Variants in SLC5A11 observed in about 807,000 individuals in gnomAD.
The protein encoded by SLC5A11 is solute carrier family 5 member 11, also known as sodium/myo-inositol cotransporter 2.
Under a neutral mutation model 69.8 loss-of-function variants are expected in SLC5A11, and 48 were observed. That is an observed-to-expected ratio of 0.69 (90% confidence interval 0.55 to 0.87). The LOEUF (loss-of-function observed/expected upper bound fraction) is 0.87. Among genes scored for constraint, SLC5A11 ranks in the 40% least tolerant of loss-of-function variants. The probability of loss-of-function intolerance (pLI) is 0.00; values close to 1 mark genes in which losing one functional copy is unlikely to be tolerated. For missense variants in SLC5A11, 784 were observed against 866.1 expected, an observed-to-expected ratio of 0.91 and a Z score of 1.19; for synonymous variants, 319 against 342.4, an observed-to-expected ratio of 0.93 and a Z score of 0.75.
chr16:24,879,510 G>A (rs902733901), intron 7 of SLC5A11, among the ~76,000 whole-genome samples: 1 of 152,198 alleles, frequency 6.6e-6, no homozygotes, highest in Non-Finnish European at 1.5e-5. Flanking sequence ...GCCAAGGTGG[G>A]AAGATCACCT....
At chr16:24,907,325 C>T (rs908052410) in intron 12 of SLC5A11, 150 bp downstream of exon 13, 5 of 858,464 alleles carry the variant, frequency 5.8e-6, no homozygotes, top group East Asian at 5.1e-5. Context: ...AGATGCTGAA[C>T]GAGCACCTAC....
chr16:24,877,790 C>T (rs2047777200), intron 7 of SLC5A11, among the ~76,000 whole-genome samples: 1 of 152,194 alleles, frequency 6.6e-6, no homozygotes, highest in Non-Finnish European at 1.5e-5. Flanking sequence ...TCAAGACCAG[C>T]CTGACCAACA....
intron 9 of SLC5A11, among the ~76,000 whole-genome samples, chr16:24,896,117 G>C (rs1272132140): frequency 2.0e-5 from 3 of 151,872 alleles, no homozygotes; most frequent in Admixed American, 2.0e-4. Flanking sequence ...ACTTTGGGAG[G>C]CTGAGGCAGG....
intron 1 of SLC5A11, among the ~76,000 whole-genome samples, chr16:24,850,763 G>A (rs949179107): frequency 2.0e-5 from 3 of 151,970 alleles, no homozygotes; most frequent in African/African-American, 7.3e-5. Context: ...TTCAAAACAT[G>A]ATTCATGCAC....
intron 9 of SLC5A11, among the ~76,000 whole-genome samples, chr16:24,892,458 AAGG>A (rs1472650569): frequency 1.0e-4 from 15 of 149,882 alleles, no homozygotes; most frequent in Non-Finnish European, 1.8e-4. Context: ...AAAAAAAAAA[AAGG>A]AGAATAGAAT....
chr16:24,884,675 G>A (rs925190384), intron 8 of SLC5A11, among the ~76,000 whole-genome samples: 1 of 149,922 alleles, frequency 6.7e-6, no homozygotes, highest in Non-Finnish European at 1.5e-5. Context: ...ATACTAATAT[G>A]GAAAAATAAC....
chr16:24,908,128 A>C lies in SLC5A11; in HGVS notation c.1431A>C (p.Glu477Asp). ...GATGTTTCTGGAAGAGGACCAATGAAAAGGTAGCTCTGGATGGCTCCCACT... is the reference window on the plus strand; with the variant it reads ...GATGTTTCTGGAAGAGGACCAATGACAAGGTAGCTCTGGATGGCTCCCACT... Residue 477 changes from glutamate (E) to aspartate (D), a missense_variant, in exon 13 of 16, where the codon GAA becomes GAC. Glu to Asp is a conservative substitution (Grantham distance 45). This residue lies in a region of SLC5A11 where 550 missense variants were observed against 606.4 expected (regional missense o/e 0.91). Coordinates refer to ENST00000347898, the Ensembl canonical transcript of SLC5A11. 3.1e-6 allele frequency: 5 copies of C among 1,587,956 alleles called. No individual in the cohort carries two copies. In the South Asian group the frequency reaches 5.8e-5, roughly 18 times the overall value.
At chr16:24,862,564 C>A (rs770142239) in intron 2 of SLC5A11, 37 bp from the exon 4 acceptor site, 3 of 1,582,710 alleles carry the variant, frequency 1.9e-6, no homozygotes, top group Non-Finnish European at 2.6e-6. Context: ...TGATTGCTAA[C>A]GTCTTCCCTC....
At chr16:24,855,231 G>A (rs2059475469) in intron 1 of SLC5A11, among the ~76,000 whole-genome samples, 2 of 152,082 alleles carry the variant, frequency 1.3e-5, no homozygotes, top group Admixed American at 6.6e-5. Flanking sequence ...TAATGCAATA[G>A]TATTAAGAGG....
intron 6 of SLC5A11, among the ~76,000 whole-genome samples, chr16:24,876,626 G>A (rs1021866213): frequency 2.6e-5 from 4 of 152,278 alleles, no homozygotes; most frequent in African/African-American, 4.8e-5. Context: ...GTGAATCTAC[G>A]CCAGCTCCAG....
chr16:24,849,593 A>AAAAAAAAAAAAAAATATATATAT, intron 1 of SLC5A11, among the ~76,000 whole-genome samples: 4 of 35,910 alleles, frequency 1.1e-4, no homozygotes, highest in Non-Finnish European at 1.7e-4. Context: ...AAAAAAAAAA[A>AAAAAAAAAAAAAAATATATATAT]ATATATATAT....
At chr16:24,897,947 G>T in intron 9 of SLC5A11, 27 bp from the exon 11 acceptor site, 1 of 1,611,802 alleles carries the variant, frequency 6.2e-7, no homozygotes, top group African/African-American at 1.3e-5. Flanking sequence ...AGCATTCCCA[G>T]TTTCCAACCC....
chr16:24,906,751 A>C lies in SLC5A11; in HGVS notation c.1101A>C (p.Glu367Asp), dbSNP rs377371301. ...TCGCGTATCCCAAACTCGTGCTGGA[A>C]CTCCTGCCCACAGGTAATGTCCCTT... The change falls in exon 11 of 16, where the codon GAA becomes GAC. Residue 367 changes from glutamate to aspartate, a missense_variant. By Grantham distance (45) the Glu-to-Asp change is conservative (BLOSUM62 2). Transcript: ENST00000347898. 2.1e-5 allele frequency: 34 copies of C among 1,611,874 alleles called. No homozygotes were observed. In the African/African-American group the frequency reaches 4.0e-4, roughly 19 times the overall value.
intron 3 of SLC5A11, among the ~76,000 whole-genome samples, chr16:24,867,493 C>T (rs900562031): frequency 2.0e-5 from 3 of 151,862 alleles, no homozygotes; most frequent in African/African-American, 7.3e-5. Context: ...CCAAAGCAAG[C>T]AGACAGAAGA....
In SLC5A11 at chr16:24,884,388, T is replaced by A. The variant is rs574344984; in HGVS notation, c.664+257T>A. On this transcript the variant is annotated intron_variant, in intron 8 of 15. Transcript: ENST00000347898. ...CTCTGTCAGTCAGGCTGGAGTGCAG[T>A]GCTGTGATGATTGCTCACTGCAGCC... Among the ~76,000 whole-genome samples, 7 of 152,138 alleles carry A rather than the reference T, an allele frequency of 4.6e-5. 1 individual carries two copies. The highest frequency in any genetic ancestry group is 7.4e-5 in the Non-Finnish European group (5 of 68,026).
intron 3 of SLC5A11, among the ~76,000 whole-genome samples, chr16:24,868,874 CT>C (rs112705793): frequency 2.1e-3 from 283 of 136,868 alleles, no homozygotes; most frequent in Middle Eastern, 7.2e-3. Flanking sequence ...CTGGATCTGC[CT>C]TTTTTTTTTT....
chr16:24,875,632 C>T (rs778758207), exon 6 of SLC5A11: 1 of 1,613,206 alleles, frequency 6.2e-7, no homozygotes. Flanking sequence ...CTCAGGTCAC[C>T]ACGATGCCAG....
In SLC5A11 at chr16:24,885,885, C is replaced by T. The variant is rs79800148; in HGVS notation, c.664+1754C>T. Reference sequence around the variant, plus strand: ...AACTGAGGTGAAGGGAGAATAGAAGCGGATAAAAAGGAAAAAGATTACAGA... The same window carrying T: ...AACTGAGGTGAAGGGAGAATAGAAGTGGATAAAAAGGAAAAAGATTACAGA... On this transcript the variant is annotated intron_variant, in intron 8 of 15. Coordinates refer to ENST00000347898, the Ensembl canonical transcript of SLC5A11. Among the ~76,000 whole-genome samples the T allele has an allele frequency of 1.7e-3, 257 of 151,308 alleles. 1 individual carries two copies. Among genetic ancestry groups the T allele is most frequent in the African/African-American group, 5.9e-3 (244 of 41,186 alleles).
At chr16:24,871,574 G>GAGGTAATATTCTTTTGTTACATGTA (rs2047305734) in intron 4 of SLC5A11, among the ~76,000 whole-genome samples, 1 of 151,908 alleles carries the variant, frequency 6.6e-6, no homozygotes, top group East Asian at 1.9e-4. Flanking sequence ...CACCCAGCTG[G>GAGGTAATATTCTTTTGTTACATGTA]GCAAGTTTCT....
Sources: gnomAD v4.1 joint callset for allele counts (sites outside exome capture counted in the v4.1 genomes callset) on GRCh38, gnomAD v4.1.1 for gene constraint, gnomAD v4.1.1 regional missense constraint, MANE v1.5 for transcripts, NCBI Gene and HGNC (gene_info 2026-07-23, HGNC 2026-07-21) for gene names.